Variants in SLC10A7 observed in about 807,000 individuals in gnomAD.
SLC10A7 encodes the protein sodium/bile acid cotransporter 7.
Under a neutral mutation model 43.2 loss-of-function variants are expected in SLC10A7, and 29 were observed. That is an observed-to-expected ratio of 0.67 (90% CI 0.50 to 0.92). The LOEUF is 0.92. SLC10A7 is among the 40% of genes least tolerant of loss of function. The pLI is 0.00. For missense variants in SLC10A7, 295 were observed against 403.2 expected, an observed-to-expected ratio of 0.73 and a Z score of 2.30; for synonymous variants, 152 against 144.8, an observed-to-expected ratio of 1.05 and a Z score of -0.35.
At chr4:146,329,775 G>A (rs1426598612) in intron 5 of SLC10A7, among the ~76,000 whole-genome samples, 1 of 152,150 alleles carries the variant, frequency 6.6e-6, no homozygotes, top group Non-Finnish European at 1.5e-5. Context: ...GTGGTAAAAA[G>A]GGTGAGCTAA....
At chr4:146,271,090 T>A (rs75018636) in intron 10 of SLC10A7, among the ~76,000 whole-genome samples, 9,634 of 152,286 alleles carry the variant, frequency 0.063, 425 homozygotes, top group South Asian at 0.2. Context: ...TCTCAGGTTC[T>A]CAGTCCGTGG....
chr4:146,299,620 A>C lies in SLC10A7; in HGVS notation c.556-5525T>G, dbSNP rs2111221750. On this transcript the variant is annotated intron_variant, in intron 7 of 11. Coordinates refer to ENST00000335472, the MANE Select transcript of SLC10A7 (RefSeq NM_001029998.6). ...CAAGACTGGCATGTTTGAGAAACAG[A>C]AGCAAAGTCAGTGAGACGTGAGTGC... Among the ~76,000 whole-genome samples, 2 of 152,294 alleles carry C rather than the reference A, an allele frequency of 1.3e-5. 1 individual carries two copies.
At chr4:146,332,998 A>G (rs746308545) in intron 5 of SLC10A7, among the ~76,000 whole-genome samples, 32 of 152,328 alleles carry the variant, frequency 2.1e-4, no homozygotes, top group Non-Finnish European at 4.1e-4. Context: ...ACATTTAATT[A>G]AGCAAACATT....
At chr4:146,519,856 C>T (rs1205698625) in intron 1 of SLC10A7, among the ~76,000 whole-genome samples, 2 of 152,072 alleles carry the variant, frequency 1.3e-5, no homozygotes, top group African/African-American at 4.8e-5. Flanking sequence ...TCTTAACATT[C>T]TATTATAATT....
At chr4:146,505,324 T>G (rs187867870) in intron 3 of SLC10A7, among the ~76,000 whole-genome samples, 14 of 152,324 alleles carry the variant, frequency 9.2e-5, no homozygotes, top group African/African-American at 3.4e-4. Context: ...TATAATTTTC[T>G]TAATATGTTT....
intron 5 of SLC10A7, among the ~76,000 whole-genome samples, chr4:146,351,042 G>C (rs925391796): frequency 6.6e-6 from 1 of 151,330 alleles, no homozygotes; most frequent in Non-Finnish European, 1.5e-5. Flanking sequence ...GAATGATTTT[G>C]ACGAGCTGAG....
chr4:146,415,158 AT>A (rs964987155), intron 5 of SLC10A7, among the ~76,000 whole-genome samples: 3 of 152,186 alleles, frequency 2.0e-5, no homozygotes, highest in African/African-American at 7.2e-5. Context: ...AAATTATGGA[AT>A]TTTTTAAGAG....
chr4:146,322,224 T>A (rs1229818860), intron 6 of SLC10A7, among the ~76,000 whole-genome samples: 1 of 152,142 alleles, frequency 6.6e-6, no homozygotes, highest in Non-Finnish European at 1.5e-5. Flanking sequence ...TGGTTCTTTT[T>A]TTAATTATTA....
intron 10 of SLC10A7, 106 bp downstream of exon 10, chr4:146,283,086 G>C (rs886367285): frequency 3.2e-5 from 28 of 867,762 alleles, no homozygotes; most frequent in Non-Finnish European, 4.6e-5. Context: ...TAATAGTGTG[G>C]ACAACACCCC....
intron 4 of SLC10A7, among the ~76,000 whole-genome samples, chr4:146,469,334 A>T (rs1213497692): frequency 1.3e-5 from 2 of 152,218 alleles, no homozygotes; most frequent in Non-Finnish European, 2.9e-5. Flanking sequence ...TGGAAATTTA[A>T]CTCAGTCAGC....
chr4:146,257,142 T>C (rs1441664536), intron 11 of SLC10A7, among the ~76,000 whole-genome samples: 3 of 152,316 alleles, frequency 2.0e-5, no homozygotes, highest in South Asian at 4.1e-4. Flanking sequence ...AAAATTTACA[T>C]GTACAAATTC....
chr4:146,340,433 C>T (rs1056351299), intron 5 of SLC10A7, among the ~76,000 whole-genome samples: 1 of 151,490 alleles, frequency 6.6e-6, no homozygotes, highest in Non-Finnish European at 1.5e-5. Context: ...AAAACAAAGA[C>T]CCAGGCTCTA....
At chr4:146,272,751 G>T (rs747141776) in intron 10 of SLC10A7, among the ~76,000 whole-genome samples, 1 of 152,114 alleles carries the variant, frequency 6.6e-6, no homozygotes, top group African/African-American at 2.4e-5. Context: ...CACTTCAAAC[G>T]CAGTAAATGA....
intron 5 of SLC10A7, among the ~76,000 whole-genome samples, chr4:146,424,832 A>G (rs1729225429): frequency 6.6e-6 from 1 of 152,162 alleles, no homozygotes; most frequent in African/African-American, 2.4e-5. Flanking sequence ...ATGAAGTTGT[A>G]TTTATTTTCC....
intron 5 of SLC10A7, among the ~76,000 whole-genome samples, chr4:146,409,915 A>G (rs1269975568): frequency 6.6e-6 from 1 of 152,226 alleles, no homozygotes; most frequent in Non-Finnish European, 1.5e-5. Flanking sequence ...TTTGCTGTGG[A>G]AATAAGCAAT....
rs531613966 is a variant in SLC10A7 at position 146,506,961 on chromosome 4, G to A, written c.320+2952C>T. Among the ~76,000 whole-genome samples the A allele has an allele frequency of 4.6e-5, 7 of 152,090 alleles. No individual in the cohort carries two copies. The South Asian group carries it at 1.5e-3, about 32-fold the overall frequency. On this transcript the variant is annotated intron_variant, in intron 3 of 11. Coordinates refer to ENST00000335472, the MANE Select transcript of SLC10A7 (RefSeq NM_001029998.6). ...TTTCCAAATTTATTGAGGTATAATT[G>A]ACAAGGAAATATTATAAAAATTTAT... is the stretch of plus-strand genomic sequence containing the variant.
chr4:146,271,997 T>G (rs1243216611), intron 10 of SLC10A7, among the ~76,000 whole-genome samples: 1 of 152,194 alleles, frequency 6.6e-6, no homozygotes, highest in Non-Finnish European at 1.5e-5. Context: ...CTTACCACCA[T>G]CTGATGTCCT....
rs1199747935 is a variant in SLC10A7, at chr4:146,330,801, A to T, written c.436-4805T>A. Among the ~76,000 whole-genome samples, 3 of 152,104 alleles carry T rather than the reference A, an allele frequency of 2.0e-5. No individual in the cohort carries two copies. In the East Asian group the frequency reaches 5.8e-4, roughly 29 times the overall value. On this transcript the variant is annotated intron_variant, in intron 5 of 11. Coordinates refer to ENST00000335472, the MANE Select transcript of SLC10A7 (RefSeq NM_001029998.6). ...GTGATGGCTGTGCCTTTGCCAGAGA[A>T]TCTCCCAGAGAGAAGACACCCTTGC...
chr4:146,303,137 C>T, intron 7 of SLC10A7, among the ~76,000 whole-genome samples: 1 of 152,142 alleles, frequency 6.6e-6, no homozygotes. Context: ...GTGCTCTTGC[C>T]TTAAGGCAGC....
Sources: allele counts gnomAD v4.1 joint callset (sites outside exome capture counted in the v4.1 genomes callset), GRCh38; gene constraint gnomAD v4.1.1; transcripts MANE v1.5; gene names NCBI Gene and HGNC (gene_info 2026-07-23, HGNC 2026-07-21).